The following DCLK1 variants were observed in gnomAD, a reference collection of about 807,000 sequenced individuals.
The protein encoded by DCLK1 is serine/threonine-protein kinase DCLK1.
In DCLK1, 16 loss-of-function variants were observed where a neutral mutation model predicts 86.2. That is an observed-to-expected ratio of 0.19 (90% CI 0.13 to 0.28). DCLK1 has a LOEUF of 0.28. Among genes scored for constraint, DCLK1 ranks in the 10% least tolerant of loss-of-function variants. The pLI, the probability that DCLK1 is intolerant of heterozygous loss-of-function variation, is 1.00. For synonymous variants in DCLK1, 369 were observed against 370.5 expected (o/e 1.00, Z 0.05); for missense variants, 590 against 940.2 (o/e 0.63, Z 4.87).
At chr13:35,854,375 T>C (rs554102358) in intron 6 of DCLK1, 124 bp downstream of exon 6, 31 of 622,546 alleles carry the variant, frequency 5.0e-5, no homozygotes, top group Non-Finnish European at 7.0e-5. Context: ...CAACCCCTCA[T>C]TGGTCACCTC....
At chr13:35,894,379 C>T (rs968817926) in intron 4 of DCLK1, among the ~76,000 whole-genome samples, 7 of 152,312 alleles carry the variant, frequency 4.6e-5, no homozygotes, top group South Asian at 2.1e-4. Context: ...TGCAGTCTGA[C>T]GCCAGAGCCC....
At chr13:35,925,783 T>G (rs1356625175) in intron 4 of DCLK1, among the ~76,000 whole-genome samples, 4 of 152,178 alleles carry the variant, frequency 2.6e-5, no homozygotes, top group Non-Finnish European at 5.9e-5. Context: ...CTGATCAGTT[T>G]ACATATACGG....
At chr13:35,853,567 A>T (rs1238594298) in intron 6 of DCLK1, among the ~76,000 whole-genome samples, 1 of 152,220 alleles carries the variant, frequency 6.6e-6, no homozygotes, top group Non-Finnish European at 1.5e-5. Context: ...TCCATCCTGG[A>T]TGACACGTAA....
At chr13:36,030,136 G>A (rs1454908439) in intron 3 of DCLK1, among the ~76,000 whole-genome samples, 4 of 152,152 alleles carry the variant, frequency 2.6e-5, no homozygotes, top group African/African-American at 9.7e-5. Context: ...AACGTTGAAT[G>A]AAGCAGTGTT....
At chr13:36,033,877 G>T (rs1882387795) in intron 3 of DCLK1, among the ~76,000 whole-genome samples, 1 of 152,190 alleles carries the variant, frequency 6.6e-6, no homozygotes, top group Non-Finnish European at 1.5e-5. Flanking sequence ...GTGAGCCGAA[G>T]TCGCACCATT....
chr13:35,858,401 A>G (rs958459238), intron 5 of DCLK1, among the ~76,000 whole-genome samples: 4 of 152,232 alleles, frequency 2.6e-5, no homozygotes, highest in Non-Finnish European at 5.9e-5. Flanking sequence ...AGTTGGTGCA[A>G]TGTTTTCTGT....
intron 3 of DCLK1, among the ~76,000 whole-genome samples, chr13:36,035,957 T>G (rs1263290499): frequency 2.0e-5 from 3 of 152,244 alleles, no homozygotes; most frequent in African/African-American, 7.2e-5. Context: ...ATAGATAATA[T>G]TTCCATGGAT....
chr13:36,001,483 G>T (rs532381276), intron 3 of DCLK1, among the ~76,000 whole-genome samples: 2 of 152,210 alleles, frequency 1.3e-5, no homozygotes, highest in Non-Finnish European at 2.9e-5. Context: ...AAAAGAGGAG[G>T]CTGAAGCCAG....
chr13:36,004,803 C>T (rs375736169), intron 3 of DCLK1, among the ~76,000 whole-genome samples: 4 of 152,146 alleles, frequency 2.6e-5, no homozygotes, highest in East Asian at 1.9e-4. Flanking sequence ...GTCTCAAACT[C>T]TTGGGCTCAA....
chr13:35,894,137 CAAACAAAA>C (rs1873806410), intron 4 of DCLK1, among the ~76,000 whole-genome samples: 1 of 151,472 alleles, frequency 6.6e-6, no homozygotes, highest in South Asian at 2.1e-4. Flanking sequence ...ATCAAACAAA[CAAACAAAA>C]AAAAAACAAC....
intron 4 of DCLK1, among the ~76,000 whole-genome samples, chr13:35,911,250 C>A (rs572025030): frequency 6.6e-6 from 1 of 150,580 alleles, no homozygotes; most frequent in African/African-American, 2.4e-5. Context: ...GCAGAGGTTG[C>A]GCCACTGCAC....
chr13:36,008,372 CCT>C (rs1383337904), intron 3 of DCLK1, among the ~76,000 whole-genome samples: 2 of 72,504 alleles, frequency 2.8e-5, no homozygotes, highest in African/African-American at 5.7e-5. Context: ...ATCCCTCCCC[CCT>C]CCCCCCTCCC....
At chr13:36,129,765 A>G (rs1286960644) in intron 1 of DCLK1, among the ~76,000 whole-genome samples, 2 of 152,190 alleles carry the variant, frequency 1.3e-5, no homozygotes, top group Non-Finnish European at 2.9e-5. Context: ...CACCTCAGCC[A>G]CAGCGACCAC....
intron 4 of DCLK1, among the ~76,000 whole-genome samples, chr13:35,922,867 ACTT>A (rs1231466328): frequency 1.3e-5 from 2 of 152,102 alleles, no homozygotes; most frequent in African/African-American, 4.8e-5. Context: ...CAGATGTTTG[ACTT>A]CTAAGCCCCC....
At chr13:36,004,279 TACAA>T (rs1209726307) in intron 3 of DCLK1, among the ~76,000 whole-genome samples, 4 of 152,180 alleles carry the variant, frequency 2.6e-5, no homozygotes, top group South Asian at 4.1e-4. Flanking sequence ...TAGCACATTT[TACAA>T]ACAAACTTTA....
chr13:35,947,439 A>T lies in DCLK1; in HGVS notation c.742T>A (p.Phe248Ile), dbSNP rs751723606. ...DGKQVMCLQD[F>I]FGDDDIFIAC... Reference sequence around the variant, plus strand: ...ATAAAAATGTCATCATCACCAAAAAAGTCCTGAAGGCACATCACCTACAAG... The same window carrying T: ...ATAAAAATGTCATCATCACCAAAAATGTCCTGAAGGCACATCACCTACAAG... Residue 248 changes from phenylalanine to isoleucine, a missense_variant, in exon 4 of 17, where the codon TTT becomes ATT. Transcript: ENST00000360631. 6.2e-7 allele frequency: 1 copy of T among 1,613,852 alleles called. No individual in the cohort carries two copies. The highest frequency in any genetic ancestry group is 8.5e-7 in the Non-Finnish European group (1 of 1,179,830).
chr13:35,916,403 T>C (rs1238451866), intron 4 of DCLK1, among the ~76,000 whole-genome samples: 1 of 151,998 alleles, frequency 6.6e-6, no homozygotes, highest in East Asian at 1.9e-4. Flanking sequence ...GCAGCTCTCT[T>C]CCCCCTCTGC....
intron 3 of DCLK1, among the ~76,000 whole-genome samples, chr13:36,013,265 T>C (rs1196983577): frequency 2.0e-5 from 3 of 152,050 alleles, no homozygotes; most frequent in Non-Finnish European, 2.9e-5. Flanking sequence ...GTTCCATTGC[T>C]GGTGAGGAAC....
At chr13:35,859,992 C>T (rs774928544) in intron 5 of DCLK1, among the ~76,000 whole-genome samples, 7 of 152,168 alleles carry the variant, frequency 4.6e-5, no homozygotes, top group Admixed American at 1.3e-4. Context: ...AATCTCCAAG[C>T]GAGACTATCT....
Sources: allele counts gnomAD v4.1 joint callset (sites outside exome capture counted in the v4.1 genomes callset), GRCh38; gene constraint gnomAD v4.1.1; transcripts MANE v1.5; gene names NCBI Gene and HGNC (gene_info 2026-07-23, HGNC 2026-07-21).